The following ELP4 variants were observed in gnomAD, a reference collection of about 807,000 sequenced individuals.
The protein encoded by ELP4 is elongator acetyltransferase complex subunit 4, also known as elongator complex protein 4.
A neutral mutation model predicts 48.9 loss-of-function variants in ELP4; 51 were observed. The ratio of observed to expected loss-of-function variants is 1.04; its 90% CI spans 0.83 to 1.32. The LOEUF (loss-of-function observed/expected upper bound fraction) is 1.32. ELP4 is among the 40% of genes most tolerant of loss of function. The pLI is 0.00. For synonymous variants in ELP4, 210 were observed against 189.2 expected, an observed-to-expected ratio of 1.11 and a Z score of -0.90; for missense variants, 519 against 514.6, an observed-to-expected ratio of 1.01 and a Z score of -0.08.
intron 9 of ELP4, among the ~76,000 whole-genome samples, chr11:31,670,682 G>T (rs2134105969): frequency 6.6e-6 from 1 of 152,148 alleles, no homozygotes; most frequent in South Asian, 2.1e-4. Context: ...TCAAGCAAAG[G>T]GAGGCTTTTG....
chr11:31,707,628 A>C (rs1565121387), intron 9 of ELP4, among the ~76,000 whole-genome samples: 2 of 152,172 alleles, frequency 1.3e-5, no homozygotes, highest in Admixed American at 6.6e-5. Flanking sequence ...TGCTATAAAA[A>C]ATCACCACAA....
At chr11:31,611,865 G>T (rs1202719395) in intron 5 of ELP4, among the ~76,000 whole-genome samples, 1 of 152,226 alleles carries the variant, frequency 6.6e-6, no homozygotes, top group African/African-American at 2.4e-5. Context: ...TAAGTGGGCA[G>T]AGAGGGCAGT....
intron 4 of ELP4, among the ~76,000 whole-genome samples, chr11:31,595,152 G>C (rs1460259871): frequency 6.6e-6 from 1 of 152,098 alleles, no homozygotes; most frequent in African/African-American, 2.4e-5. Context: ...TTGCAAGACA[G>C]AGTAAGTGAA....
chr11:31,745,166 A>G (rs1201059173), intron 9 of ELP4, among the ~76,000 whole-genome samples: 1 of 152,220 alleles, frequency 6.6e-6, no homozygotes, highest in South Asian at 2.1e-4. Flanking sequence ...TAAAATACCT[A>G]GGAATCCAAC....
intron 1 of ELP4, among the ~76,000 whole-genome samples, chr11:31,513,637 A>G (rs571168087): frequency 6.6e-6 from 1 of 152,194 alleles, no homozygotes; most frequent in East Asian, 1.9e-4. Context: ...ATTCTAGTGT[A>G]TTAATTTGAC....
intron 9 of ELP4, among the ~76,000 whole-genome samples, chr11:31,701,777 T>G (rs1004857367): frequency 6.6e-6 from 1 of 151,196 alleles, no homozygotes; most frequent in Non-Finnish European, 1.5e-5. Flanking sequence ...TTGGTAAATT[T>G]TATTTTACCT....
At chr11:31,724,494 A>G (rs188327949) in intron 9 of ELP4, among the ~76,000 whole-genome samples, 295 of 152,390 alleles carry the variant, frequency 1.9e-3, no homozygotes, top group Admixed American at 4.3e-3. Flanking sequence ...AAGAATTTAA[A>G]GATAATAAGC....
chr11:31,545,523 G>A (rs1315327154), intron 3 of ELP4, among the ~76,000 whole-genome samples: 1 of 152,150 alleles, frequency 6.6e-6, no homozygotes, highest in Non-Finnish European at 1.5e-5. Context: ...GTACCTGAAA[G>A]TGATGGGGAG....
chr11:31,689,976 TTGG>T (rs1169059651), intron 9 of ELP4, among the ~76,000 whole-genome samples: 2 of 152,202 alleles, frequency 1.3e-5, no homozygotes, highest in African/African-American at 4.8e-5. Context: ...CAGGGAAATG[TTGG>T]TGGTCTGTGA....
Position 31,786,982 on chromosome 11 carries a change from A to G in ELP4, c.*3458A>G, listed in dbSNP as rs1200349792. The G allele has an allele frequency of 4.6e-6, 1 of 219,140 alleles. No homozygotes were observed. The highest frequency in any genetic ancestry group is 9.2e-6 in the Non-Finnish European group (1 of 109,250). 13.6% of individuals were successfully genotyped at this position (219,140 alleles called of 1,614,324 possible). A position where few individuals can be genotyped will look rare whatever the true frequency, so the allele number is the denominator to read the frequency against. On this transcript the variant is annotated 3_prime_UTR_variant, in exon 10 of 10. Transcript: ENST00000640961. The stretch of plus-strand genomic sequence containing the variant: ...GAAGATGGTGTCAAAACATCCCTGC[A>G]GATACCCCATTGATAAATATATAAA...
intron 2 of ELP4, among the ~76,000 whole-genome samples, chr11:31,535,003 T>C (rs1426777635): frequency 6.6e-6 from 1 of 152,196 alleles, no homozygotes; most frequent in Non-Finnish European, 1.5e-5. Flanking sequence ...CTCTGCTAGC[T>C]TTTCCATCTG....
chr11:31,565,477 C>G (rs7113174), intron 3 of ELP4, among the ~76,000 whole-genome samples: 84,504 of 136,520 alleles, frequency 0.62, 28,089 homozygotes, highest in African/African-American at 0.87. Flanking sequence ...GTATTGCCTA[C>G]GTTTTCTTCT....
chr11:31,693,946 T>C (rs982867050), intron 9 of ELP4, among the ~76,000 whole-genome samples: 1 of 152,232 alleles, frequency 6.6e-6, no homozygotes, highest in Non-Finnish European at 1.5e-5. Flanking sequence ...GTCTTTTGGC[T>C]GCATAAGTGT....
chr11:31,571,596 CATCAGAGGA>C (rs1485761659), intron 3 of ELP4, among the ~76,000 whole-genome samples: 1 of 152,154 alleles, frequency 6.6e-6, no homozygotes, highest in Admixed American at 6.6e-5. Flanking sequence ...TGCCCATATC[CATCAGAGGA>C]ATCACTATCT....
chr11:31,673,786 G>A (rs1313567268), intron 9 of ELP4, among the ~76,000 whole-genome samples: 1 of 152,182 alleles, frequency 6.6e-6, no homozygotes, highest in Non-Finnish European at 1.5e-5. Context: ...GGTAATCTAT[G>A]TTTAAACATG....
chr11:31,713,583 T>G (rs1946784580), intron 9 of ELP4, among the ~76,000 whole-genome samples: 1 of 152,300 alleles, frequency 6.6e-6, no homozygotes, highest in South Asian at 2.1e-4. Context: ...GCCATGACCC[T>G]TTGAGCATCA....
Position 31,528,507 on chromosome 11 carries a change from G to T in ELP4, c.259+8416G>T, listed in dbSNP as rs558658721. On this transcript the variant is annotated intron_variant, in intron 2 of 9. Transcript: ENST00000640961. ...CTTTTCTACTTCTGTATTTCAGTAT[G>T]TATATTAGATTCTAAATGTTTAACG... Among the ~76,000 whole-genome samples, 5 of 152,230 alleles carry T rather than the reference G, an allele frequency of 3.3e-5. No individual in the cohort carries two copies. In the South Asian group the frequency reaches 1.0e-3, roughly 32 times the overall value.
At chr11:31,559,552 C>T (rs1956981472) in intron 3 of ELP4, among the ~76,000 whole-genome samples, 1 of 152,152 alleles carries the variant, frequency 6.6e-6, no homozygotes, top group South Asian at 2.1e-4. Flanking sequence ...ATTAAAGACA[C>T]ACTGTTTTAT....
intron 4 of ELP4, among the ~76,000 whole-genome samples, chr11:31,597,952 C>CTTTTTTTTTTT (rs58093641): frequency 4.2e-5 from 4 of 96,296 alleles, no homozygotes; most frequent in Non-Finnish European, 7.9e-5. Context: ...AGCCTTTTCT[C>CTTTTTTTTTTT]TTTTTTTTTT....
Sources: gnomAD v4.1 joint callset for allele counts (sites outside exome capture counted in the v4.1 genomes callset) on GRCh38, gnomAD v4.1.1 for gene constraint, MANE v1.5 for transcripts, NCBI Gene and HGNC (gene_info 2026-07-23, HGNC 2026-07-21) for gene names.